The following PCDH15 variants were observed in gnomAD, a reference collection of about 807,000 sequenced individuals.
PCDH15 encodes protocadherin related 15.
PCDH15 carries 129 observed loss-of-function variants against 178.5 expected under a neutral mutation model. The observed-to-expected ratio is 0.72, with a 90% CI of 0.63 to 0.84. The LOEUF (loss-of-function observed/expected upper bound fraction) is 0.84, where lower values mean the gene tolerates loss of function less well. Among genes scored for constraint, PCDH15 ranks in the 40% least tolerant of loss-of-function variants. The pLI is 0.00. For synonymous variants in PCDH15, 800 were observed against 732.0 expected, an observed-to-expected ratio of 1.09 and a Z score of -1.50; for missense variants, 2,230 against 2,099.9, an observed-to-expected ratio of 1.06 and a Z score of -1.21.
intron 2 of PCDH15, among the ~76,000 whole-genome samples, chr10:55,363,242 T>A (rs1377546774): frequency 6.6e-6 from 1 of 152,202 alleles, no homozygotes; most frequent in Non-Finnish European, 1.5e-5. Flanking sequence ...AATAGCTCTT[T>A]CCATGTCACT....
intron 3 of PCDH15, among the ~76,000 whole-genome samples, chr10:54,419,159 A>G (rs374703303): frequency 6.6e-6 from 1 of 152,114 alleles, no homozygotes. Context: ...CATTAAATAA[A>G]CATTTGGCAA....
intron 2 of PCDH15, among the ~76,000 whole-genome samples, chr10:55,532,932 A>G (rs1841485835): frequency 6.6e-6 from 1 of 152,094 alleles, no homozygotes; most frequent in Non-Finnish European, 1.5e-5. Flanking sequence ...TCAGGAAGAC[A>G]GAACTGACCA....
At chr10:54,597,554 AAACAAC>A (rs150836629) in intron 2 of PCDH15, among the ~76,000 whole-genome samples, 2 of 151,966 alleles carry the variant, frequency 1.3e-5, no homozygotes, top group Non-Finnish European at 2.9e-5. Context: ...AGCAAGAGAA[AAACAAC>A]AACAACAACA....
At chr10:54,578,001 T>C (rs2090676100) in intron 2 of PCDH15, among the ~76,000 whole-genome samples, 1 of 152,324 alleles carries the variant, frequency 6.6e-6, no homozygotes, top group African/African-American at 2.4e-5. Flanking sequence ...TAGGATTAAA[T>C]TGTATAACAT....
intron 2 of PCDH15, among the ~76,000 whole-genome samples, chr10:55,354,762 A>G (rs182817460): frequency 1.6e-4 from 25 of 152,186 alleles, no homozygotes; most frequent in Middle Eastern, 6.8e-3. Context: ...AAATTAACAT[A>G]AAATAAAATA....
intron 3 of PCDH15, among the ~76,000 whole-genome samples, chr10:54,511,724 T>A (rs963174146): frequency 6.6e-6 from 1 of 152,190 alleles, no homozygotes; most frequent in Non-Finnish European, 1.5e-5. Context: ...AAAATATGAC[T>A]GAAATAGATT....
intron 3 of PCDH15, among the ~76,000 whole-genome samples, chr10:54,488,378 T>C (rs2183975): frequency 0.037 from 5,608 of 151,966 alleles, 151 homozygotes; most frequent in Non-Finnish European, 0.058. Context: ...TTCTTATTTT[T>C]ACATGTTATA....
chr10:55,108,911 A>T (rs1387821304), intron 2 of PCDH15, among the ~76,000 whole-genome samples: 2 of 152,202 alleles, frequency 1.3e-5, no homozygotes, highest in African/African-American at 4.8e-5. Flanking sequence ...ATTTTAGAGG[A>T]TAGACAGCAG....
chr10:54,039,294 T>C (rs1469001380), intron 18 of PCDH15, among the ~76,000 whole-genome samples: 3 of 151,964 alleles, frequency 2.0e-5, no homozygotes, highest in African/African-American at 7.2e-5. Context: ...AGCTGCATGA[T>C]AGATTGGAGT....
At chr10:53,887,682 A>T (rs1292099671) in intron 26 of PCDH15, among the ~76,000 whole-genome samples, 4 of 152,208 alleles carry the variant, frequency 2.6e-5, no homozygotes, top group Non-Finnish European at 2.9e-5. Flanking sequence ...AGGTCAGGAG[A>T]TCCAGACCAT....
chr10:54,340,634 A>G (rs1942056107), intron 6 of PCDH15, among the ~76,000 whole-genome samples: 1 of 152,152 alleles, frequency 6.6e-6, no homozygotes, highest in Admixed American at 6.5e-5. Context: ...GTTTTAGAGC[A>G]GGAATGAAAG....
At chr10:55,101,890 T>A (rs1309584187) in intron 2 of PCDH15, among the ~76,000 whole-genome samples, 1 of 151,792 alleles carries the variant, frequency 6.6e-6, no homozygotes, top group East Asian at 1.9e-4. Flanking sequence ...TATAATTATA[T>A]TGTTAGATAT....
intron 3 of PCDH15, among the ~76,000 whole-genome samples, chr10:54,418,466 T>A (rs1478645630): frequency 6.6e-6 from 1 of 152,058 alleles, no homozygotes; most frequent in Non-Finnish European, 1.5e-5. Context: ...GTATCACTGT[T>A]CATCCAGCCT....
At chr10:54,590,875 G>A (rs541540720) in intron 2 of PCDH15, among the ~76,000 whole-genome samples, 5 of 151,880 alleles carry the variant, frequency 3.3e-5, no homozygotes, top group African/African-American at 1.2e-4. Flanking sequence ...AAAAAACCGA[G>A]ACACAAAAAT....
intron 2 of PCDH15, among the ~76,000 whole-genome samples, chr10:54,991,538 G>A (rs902184221): frequency 2.0e-5 from 3 of 152,116 alleles, no homozygotes; most frequent in Non-Finnish European, 2.9e-5. Flanking sequence ...CAGGGTCACA[G>A]ACATAATTAA....
intron 3 of PCDH15, among the ~76,000 whole-genome samples, chr10:54,896,609 T>C (rs1954549785): frequency 6.6e-6 from 1 of 152,132 alleles, no homozygotes; most frequent in African/African-American, 2.4e-5. Flanking sequence ...AAAATGTTTC[T>C]TCTCCTTAAG....
At chr10:55,067,120 C>A (rs907433047) in intron 2 of PCDH15, among the ~76,000 whole-genome samples, 3 of 151,930 alleles carry the variant, frequency 2.0e-5, no homozygotes, top group African/African-American at 4.8e-5. Flanking sequence ...AAAAAGATGG[C>A]TGTATACAAA....
intron 1 of PCDH15, among the ~76,000 whole-genome samples, chr10:54,776,945 A>G (rs1949774337): frequency 6.6e-6 from 1 of 152,194 alleles, no homozygotes; most frequent in Non-Finnish European, 1.5e-5. Flanking sequence ...AGTGCGAAGA[A>G]GAGACATAAT....
intron 16 of PCDH15, among the ~76,000 whole-genome samples, chr10:54,088,231 T>C (rs1441015289): frequency 6.6e-6 from 1 of 152,208 alleles, no homozygotes; most frequent in Non-Finnish European, 1.5e-5. Flanking sequence ...CCTTTCTTTA[T>C]CACTACAGAC....
Sources: allele counts gnomAD v4.1 joint callset (sites outside exome capture counted in the v4.1 genomes callset), GRCh38; gene constraint gnomAD v4.1.1; transcripts MANE v1.5; gene names NCBI Gene and HGNC (gene_info 2026-07-23, HGNC 2026-07-21).